Variants in CBY1 observed in about 807,000 individuals in gnomAD.
The protein encoded by CBY1 is protein chibby homolog 1.
CBY1 carries 10 observed loss-of-function variants against 15.6 expected under a neutral mutation model. The observed-to-expected ratio is 0.64, with a 90% confidence interval of 0.40 to 1.09. The LOEUF is 1.09. Among genes scored for constraint, CBY1 ranks in the 50% least tolerant of loss-of-function variants. The probability of loss-of-function intolerance (pLI) is 0.01; values close to 1 mark genes in which losing one functional copy is unlikely to be tolerated. For missense variants in CBY1, 150 were observed against 160.5 expected (o/e 0.93, Z 0.35); for synonymous variants, 61 against 63.5 (o/e 0.96, Z 0.19).
chr22:38,672,465 G>A (rs1257673224), intron 4 of CBY1, among the ~76,000 whole-genome samples: 3 of 151,642 alleles, frequency 2.0e-5, no homozygotes, highest in Admixed American at 1.3e-4. Flanking sequence ...ATTAGCACCC[G>A]CCACCACGCT....
intron 1 of CBY1, chr22:38,665,709 T>C (rs1384704645): frequency 5.7e-6 from 7 of 1,229,830 alleles, no homozygotes; most frequent in Non-Finnish European, 7.1e-6. Flanking sequence ...AGTGCTGAAA[T>C]GCTCTGTATC....
intron 1 of CBY1, among the ~76,000 whole-genome samples, chr22:38,660,554 A>C (rs913302483): frequency 6.6e-6 from 1 of 152,072 alleles, no homozygotes; most frequent in Non-Finnish European, 1.5e-5. Flanking sequence ...AAGTATATAC[A>C]TGTGTATATA....
intron 1 of CBY1, among the ~76,000 whole-genome samples, chr22:38,661,602 GCTT>G (rs1194450087): frequency 7.9e-5 from 12 of 152,148 alleles, no homozygotes; most frequent in Admixed American, 6.6e-5. Context: ...TTCCAAAGAA[GCTT>G]CTTAACTTTT....
At chr22:38,673,093 G>A (rs905582282) in intron 4 of CBY1, 66 bp from the exon 5 acceptor site, 5 of 1,143,488 alleles carry the variant, frequency 4.4e-6, no homozygotes, top group Non-Finnish European at 6.6e-6. Flanking sequence ...TGTAGGGCCG[G>A]CCTTGCTAAC....
At position 38,670,896 on chromosome 22, in the gene CBY1, A is replaced by G. The variant is rs750224165; in HGVS notation, c.91A>G (p.Thr31Ala). ...LSNLHSLDRS[T>A]REVELGLEYG... is the part of the protein sequence containing the mutation. Reference sequence around the variant, plus strand: ...ATCTCGCCCACAGTTGGATCGATCAACCCGGGAGGTGGAGCTGGGCTTGGA... The same window carrying G: ...ATCTCGCCCACAGTTGGATCGATCAGCCCGGGAGGTGGAGCTGGGCTTGGA... Residue 31 changes from threonine to alanine, a missense_variant, in exon 3 of 5, where the codon ACC (threonine) becomes GCC (alanine). Coordinates refer to ENST00000216029, the MANE Select transcript of CBY1 (RefSeq NM_015373.4). 5 of 1,614,000 alleles carry G rather than the reference A, an allele frequency of 3.1e-6. No homozygotes were observed. In the South Asian group the frequency reaches 4.4e-5, roughly 14 times the overall value.
At chr22:38,671,407 GTCTGCACAGGA>G (rs1344716078) in intron 4 of CBY1, 4 of 552,670 alleles carry the variant, frequency 7.2e-6, no homozygotes, top group Non-Finnish European at 3.3e-6. Context: ...CCCAGTTGGA[GTCTGCACAGGA>G]TCTGCACAGC....
At chr22:38,658,900 C>T (rs2092413608) in intron 1 of CBY1, among the ~76,000 whole-genome samples, 1 of 152,200 alleles carries the variant, frequency 6.6e-6, no homozygotes, top group African/African-American at 2.4e-5. Flanking sequence ...ACAGCTATCT[C>T]ACTGTCTTTA....
chr22:38,663,309 G>A (rs1243891509), intron 1 of CBY1, among the ~76,000 whole-genome samples: 3 of 151,862 alleles, frequency 2.0e-5, no homozygotes, highest in Non-Finnish European at 4.4e-5. Context: ...ACACAAATTA[G>A]CTGGATGTGG....
At chr22:38,657,244 C>A in intron 1 of CBY1, 1 of 307,144 alleles carries the variant, frequency 3.3e-6, no homozygotes, top group Non-Finnish European at 4.8e-6. Flanking sequence ...TCTACTTACT[C>A]GATCCTCTTC....
intron 1 of CBY1, among the ~76,000 whole-genome samples, chr22:38,657,903 T>G (rs1235003006): frequency 1.3e-5 from 2 of 152,200 alleles, no homozygotes; most frequent in African/African-American, 4.8e-5. Context: ...TTTTGTTTAT[T>G]TTGTTCATAA....
intron 2 of CBY1, 186 bp from the exon 3 acceptor site, chr22:38,670,695 ATAT>A (rs1248220104): frequency 2.4e-4 from 139 of 572,664 alleles, no homozygotes; most frequent in African/African-American, 2.1e-3. Flanking sequence ...ATAAAACAGT[ATAT>A]TTTTTATCTC....
At chr22:38,658,306 A>G (rs1021370755) in intron 1 of CBY1, among the ~76,000 whole-genome samples, 1 of 151,798 alleles carries the variant, frequency 6.6e-6, no homozygotes, top group Non-Finnish European at 1.5e-5. Context: ...TTGTATTTTT[A>G]GTAGAAACAG....
chr22:38,666,231 ATAT>A (rs144492474), intron 1 of CBY1, among the ~76,000 whole-genome samples: 1 of 127,732 alleles, frequency 7.8e-6, no homozygotes, highest in African/African-American at 2.8e-5. Context: ...ATATATATAT[ATAT>A]TTTTTTTTCT....
chr22:38,669,711 C>T (rs533480829), intron 2 of CBY1: 5 of 152,268 alleles, frequency 3.3e-5, no homozygotes, highest in South Asian at 2.1e-4. Context: ...TGTGTTGAGC[C>T]GCTATTGAGG....
At chr22:38,667,051 C>T (rs905526166) in intron 1 of CBY1, among the ~76,000 whole-genome samples, 1 of 151,298 alleles carries the variant, frequency 6.6e-6, no homozygotes, top group African/African-American at 2.4e-5. Flanking sequence ...TGCTCTTTGA[C>T]TCAGGCTGGA....
At position 38,673,489 on chromosome 22, in the gene CBY1, C is replaced by G; in HGVS notation, c.*253C>G. 1 of 397,452 alleles carries G rather than the reference C, an allele frequency of 2.5e-6. No individual in the cohort carries two copies. Among genetic ancestry groups the G allele is most frequent in the South Asian group, 2.5e-5 (1 of 40,120 alleles). The allele number at this position is 397,452 out of a possible 1,614,324, so 24.6% of individuals were successfully genotyped here. A position where few individuals can be genotyped will look rare whatever the true frequency, so the allele number is the denominator to read the frequency against. On this transcript the variant is annotated 3_prime_UTR_variant, in exon 5 of 5. Transcript: ENST00000216029. ...AACCAGACCGCACAGAGGCCTGGGGCTGCTGATGAGCTTTTTGGTGCTCTC... is the reference window on the plus strand; with the variant it reads ...AACCAGACCGCACAGAGGCCTGGGGGTGCTGATGAGCTTTTTGGTGCTCTC...
chr22:38,667,208 G>C (rs1018932939), intron 1 of CBY1, among the ~76,000 whole-genome samples: 2 of 149,682 alleles, frequency 1.3e-5, no homozygotes, highest in Non-Finnish European at 3.0e-5. Context: ...ACAGAGTTTT[G>C]CCATGTTGGC....
At chr22:38,657,079 G>C (rs1420786931) in intron 1 of CBY1, 1 of 977,520 alleles carries the variant, frequency 1.0e-6, no homozygotes, top group Non-Finnish European at 1.2e-6. Context: ...CTCCTTGGGG[G>C]ACACGTATAT....
Position 38,673,266 on chromosome 22 carries a change from G to C in CBY1, c.*30G>C. On this transcript the variant is annotated 3_prime_UTR_variant, in exon 5 of 5. Coordinates refer to ENST00000216029, the MANE Select transcript of CBY1 (RefSeq NM_015373.4). ...CCCAGAGACATTTATTGGGGAGTAG[G>C]ATGTGGCTGAGTGCTTTTTTTTTGG... 2 of 1,487,322 alleles carry C rather than the reference G, an allele frequency of 1.3e-6. No individual in the cohort carries two copies. Among genetic ancestry groups the C allele is most frequent in the Admixed American group, 1.7e-5 (1 of 59,632 alleles). The allele number at this position is 1,487,322 out of a possible 1,614,324, so 92.1% of individuals were successfully genotyped here.
Sources: allele counts gnomAD v4.1 joint callset (sites outside exome capture counted in the v4.1 genomes callset), GRCh38; gene constraint gnomAD v4.1.1; transcripts MANE v1.5; gene names NCBI Gene and HGNC (gene_info 2026-07-23, HGNC 2026-07-21).